FOXO3: variants seen among roughly 807,000 people sequenced by gnomAD.
FOXO3 encodes forkhead box protein O3.
A neutral mutation model predicts 41.9 loss-of-function variants in FOXO3; 4 were observed. That is an observed-to-expected ratio of 0.10 (90% confidence interval 0.05 to 0.22). FOXO3 has a LOEUF of 0.22. FOXO3 is among the 10% of genes least tolerant of loss of function. FOXO3 has a pLI of 1.00. For synonymous variants in FOXO3, 318 were observed against 389.3 expected (o/e 0.82, Z 2.16); for missense variants, 534 against 906.8 (o/e 0.59, Z 5.28).
chr6:108,566,546 T>C (rs1389504978), intron 1 of FOXO3, among the ~76,000 whole-genome samples: 1 of 152,166 alleles, frequency 6.6e-6, no homozygotes, highest in Non-Finnish European at 1.5e-5. Flanking sequence ...CAAGACCAGC[T>C]TGGGCACATA....
At chr6:108,633,339 G>A (rs1373323903) in intron 1 of FOXO3, among the ~76,000 whole-genome samples, 2 of 152,082 alleles carry the variant, frequency 1.3e-5, no homozygotes, top group African/African-American at 2.4e-5. Flanking sequence ...GTGTGTATGT[G>A]TGTGTGTTTG....
intron 1 of FOXO3, among the ~76,000 whole-genome samples, chr6:108,572,398 A>G (rs961531923): frequency 4.6e-5 from 7 of 152,196 alleles, no homozygotes; most frequent in Non-Finnish European, 7.4e-5. Context: ...GGTTGGTTCA[A>G]GCCTTGTAGA....
At chr6:108,633,017 T>C (rs1778018572) in intron 1 of FOXO3, among the ~76,000 whole-genome samples, 1 of 152,122 alleles carries the variant, frequency 6.6e-6, no homozygotes, top group Non-Finnish European at 1.5e-5. Context: ...CTGGAAGATA[T>C]CTTCTTAATT....
chr6:108,576,241 C>T (rs769923879), intron 1 of FOXO3, among the ~76,000 whole-genome samples: 5 of 152,186 alleles, frequency 3.3e-5, no homozygotes, highest in Admixed American at 6.5e-5. Flanking sequence ...CCTCCCCTTA[C>T]AAGAAAGATC....
At position 108,664,327 on chromosome 6, in the gene FOXO3, C is replaced by T. The variant is rs201417491; in HGVS notation, c.1494C>T (p.Thr498=). Residue 498 remains threonine, a synonymous_variant, in exon 2 of 3, where the codon ACC becomes ACT. Transcript: ENST00000406360. ...ACCCCTTGATGTCTCAGGCCAGCACCGCTGTGTCTGCCCAGAATTCCCGCC... is the reference window on the plus strand; with the variant it reads ...ACCCCTTGATGTCTCAGGCCAGCACTGCTGTGTCTGCCCAGAATTCCCGCC... ...QSDPLMSQAS[T]AVSAQNSRRN... is the part of the protein sequence containing the mutation. 2.9e-4 allele frequency: 466 copies of T among 1,599,756 alleles called. 1 individual carries two copies. The Middle Eastern group carries it at 8.3e-3, about 28-fold the overall frequency.
Position 108,585,022 on chromosome 6 carries a change from C to CTTTTTTTTTTTTTTTT in FOXO3, c.621+23208_621+23223dup, listed in dbSNP as rs1159028928. 1.4e-4 allele frequency among the ~76,000 whole-genome samples: 7 copies of CTTTTTTTTTTTTTTTT among 51,520 alleles called. 2 individuals are homozygous for CTTTTTTTTTTTTTTTT. Among genetic ancestry groups the CTTTTTTTTTTTTTTTT allele is most frequent in the Non-Finnish European group, 2.3e-4 (7 of 30,582 alleles). The allele number at this position is 51,520 out of a possible 152,430, so 33.8% of individuals were successfully genotyped here. ...CACCAAGAATTGCTATCTCCAAAAT[C>CTTTTTTTTTTTTTTTT]TTTTTTTTTTTTTTTTTTTTTTTTT... On this transcript the variant is annotated intron_variant, in intron 1 of 2. Transcript: ENST00000406360.
At chr6:108,601,883 C>G (rs1456368160) in intron 1 of FOXO3, among the ~76,000 whole-genome samples, 1 of 152,174 alleles carries the variant, frequency 6.6e-6, no homozygotes, top group Non-Finnish European at 1.5e-5. Context: ...TATTTATTCA[C>G]TCATCACTCA....
chr6:108,639,898 A>AAG (rs1778213044), intron 1 of FOXO3, among the ~76,000 whole-genome samples: 2 of 152,234 alleles, frequency 1.3e-5, no homozygotes, highest in Admixed American at 1.3e-4. Flanking sequence ...TGTGAGGTTC[A>AAG]GAAAGAACAT....
chr6:108,601,795 T>A (rs1175078118), intron 1 of FOXO3, among the ~76,000 whole-genome samples: 1 of 152,250 alleles, frequency 6.6e-6, no homozygotes, highest in African/African-American at 2.4e-5. Context: ...ATTTCCTGGA[T>A]CCAAGTTGTT....
At chr6:108,663,189 G>A (rs1052906133) in intron 1 of FOXO3, among the ~76,000 whole-genome samples, 11 of 152,098 alleles carry the variant, frequency 7.2e-5, no homozygotes, top group African/African-American at 2.4e-4. Flanking sequence ...CCTGGGTAAC[G>A]TGGAAAACCC....
At position 108,652,870 on chromosome 6, in the gene FOXO3, C is replaced by G. The variant is rs1021235274; in HGVS notation, c.622-10585C>G. 2.0e-5 allele frequency among the ~76,000 whole-genome samples: 3 copies of G among 152,086 alleles called. No homozygotes were observed. In the South Asian group the frequency reaches 6.2e-4, roughly 32 times the overall value. Reference sequence around the variant, plus strand: ...TGGGACTCTGAGCCAACTGAATTACCAAGTAATGGGGGCCCCATGGCATCC... The same window carrying G: ...TGGGACTCTGAGCCAACTGAATTACGAAGTAATGGGGGCCCCATGGCATCC... On this transcript the variant is annotated intron_variant, in intron 1 of 2. Coordinates refer to ENST00000406360, the MANE Select transcript of FOXO3 (RefSeq NM_001455.4).
At chr6:108,606,887 G>A (rs1777218836) in intron 1 of FOXO3, among the ~76,000 whole-genome samples, 1 of 152,310 alleles carries the variant, frequency 6.6e-6, no homozygotes, top group African/African-American at 2.4e-5. Context: ...GTCCCATAAA[G>A]ATGCAGAGTA....
At position 108,663,998 on chromosome 6, in the gene FOXO3, G is replaced by A. The variant is rs1225516170; in HGVS notation, c.1165G>A (p.Asp389Asn). ...NDGLTENLMD[D>N]LLDNITLPPS... ...TGGGCTGACTGAAAACCTCATGGAC[G>A]ACCTGCTGGATAACATCACGCTCCC... The change falls in exon 2 of 3, where the codon GAC becomes AAC. Residue 389 changes from aspartate (D) to asparagine (N), a missense_variant. Asp to Asn is a conservative substitution (Grantham distance 23). Around this residue, in one of 8 missense-constraint regions of FOXO3, gnomAD observed 185 missense variants for 224.9 expected, o/e 0.82. Transcript: ENST00000406360. The A allele has an allele frequency of 5.0e-6, 8 of 1,613,998 alleles. No individual in the cohort carries two copies. In the African/African-American group the frequency reaches 6.7e-5, roughly 13 times the overall value.
chr6:108,678,861 C>G (rs375462174), intron 2 of FOXO3, among the ~76,000 whole-genome samples: 2 of 95,462 alleles, frequency 2.1e-5, no homozygotes, highest in African/African-American at 6.4e-5. Context: ...GACCCCATTT[C>G]TTAAATTCTT....
chr6:108,561,781 G>A lies in FOXO3; in HGVS notation c.573G>A (p.Val191=), dbSNP rs777525804. The A allele has an allele frequency of 1.4e-5, 22 of 1,600,154 alleles. No homozygotes were observed. Among genetic ancestry groups the A allele is most frequent in the Non-Finnish European group, 1.9e-5 (22 of 1,174,426 alleles). Residue 191 remains valine (V), a synonymous_variant, in exon 1 of 3, where the codon GTG becomes GTA. Transcript: ENST00000406360. ...SQIYEWMVRC[V]PYFKDKGDSN... is the part of the protein sequence containing the mutation. Reference sequence around the variant, plus strand: ...TCTACGAGTGGATGGTGCGTTGCGTGCCCTACTTCAAGGATAAGGGCGACA... The same window carrying A: ...TCTACGAGTGGATGGTGCGTTGCGTACCCTACTTCAAGGATAAGGGCGACA...
intron 1 of FOXO3, among the ~76,000 whole-genome samples, chr6:108,574,319 G>A (rs1003472621): frequency 2.6e-5 from 4 of 152,122 alleles, no homozygotes; most frequent in African/African-American, 9.7e-5. Context: ...GAGGCACAGT[G>A]TATTATTTAG....
intron 1 of FOXO3, among the ~76,000 whole-genome samples, chr6:108,639,300 C>T (rs1778194582): frequency 6.6e-6 from 1 of 152,204 alleles, no homozygotes; most frequent in Admixed American, 6.5e-5. Flanking sequence ...GGCACTGAAA[C>T]AAGAACTCCA....
At chr6:108,639,598 T>C (rs1212040744) in intron 1 of FOXO3, 2 of 985,048 alleles carry the variant, frequency 2.0e-6, no homozygotes, top group Non-Finnish European at 2.4e-6. Context: ...AGGTGGACCC[T>C]GCCTCAAACA....
Position 108,561,413 on chromosome 6 carries a change from G to A in FOXO3, c.205G>A (p.Gly69Ser), listed in dbSNP as rs1336845733. The A allele has an allele frequency of 3.9e-6, 6 of 1,543,190 alleles. No individual in the cohort carries two copies. Among genetic ancestry groups the A allele is most frequent in the South Asian group, 1.2e-5 (1 of 82,978 alleles). Reference sequence around the variant, plus strand: ...GGAGGACGATGAAGACGACGAGGACGGCGGGGGACGGGCCGGCTCGGCCAT... The same window carrying A: ...GGAGGACGATGAAGACGACGAGGACAGCGGGGGACGGGCCGGCTCGGCCAT... Reference protein sequence around the residue: ...EEEDDEDDEDGGGRAGSAMAI... With the variant: ...EEEDDEDDEDSGGRAGSAMAI... The change falls in exon 1 of 3, where the codon GGC becomes AGC. Residue 69 changes from glycine (G) to serine (S), a missense_variant. By Grantham distance (56) the Gly-to-Ser change is moderately conservative. Coordinates refer to ENST00000406360, the MANE Select transcript of FOXO3 (RefSeq NM_001455.4).
Sources: gnomAD v4.1 joint callset for allele counts (sites outside exome capture counted in the v4.1 genomes callset) on GRCh38, gnomAD v4.1.1 for gene constraint, gnomAD v4.1.1 regional missense constraint, MANE v1.5 for transcripts, NCBI Gene and HGNC (gene_info 2026-07-23, HGNC 2026-07-21) for gene names.